DPP6: variants seen among roughly 807,000 people sequenced by gnomAD.
DPP6 encodes A-type potassium channel modulatory protein DPP6.
A neutral mutation model predicts 122.6 loss-of-function variants in DPP6; 69 were observed. That is an observed-to-expected ratio of 0.56 (90% CI 0.46 to 0.69). DPP6 has a LOEUF of 0.69. Among genes scored for constraint, DPP6 ranks in the 30% least tolerant of loss-of-function variants. DPP6 has a pLI of 0.00. For missense variants in DPP6, 928 were observed against 1,116.9 expected (o/e 0.83, Z 2.41); for synonymous variants, 418 against 433.1 (o/e 0.97, Z 0.43).
chr7:154,342,884 T>C (rs1045382952), intron 1 of DPP6, among the ~76,000 whole-genome samples: 1 of 152,188 alleles, frequency 6.6e-6, no homozygotes, highest in Non-Finnish European at 1.5e-5. Flanking sequence ...GCTCTCAAGG[T>C]AAACTGAAAT....
At chr7:153,963,967 A>C (rs945508403) in intron 1 of DPP6, among the ~76,000 whole-genome samples, 1 of 152,042 alleles carries the variant, frequency 6.6e-6, no homozygotes, top group African/African-American at 2.4e-5. Context: ...TGCTTCCTGA[A>C]CTTGTACTGA....
rs763030344 is a variant in DPP6, at chr7:154,816,547, A to G, written c.1666+9435A>G. On this transcript the variant is annotated intron_variant, in intron 16 of 25. Transcript: ENST00000377770. ...GAGGCTGTTTTGAAGATTAACCTAG[A>G]TAGTGCATGTAGAGTACTTACCATG... Among the ~76,000 whole-genome samples the G allele has an allele frequency of 3.0e-4, 45 of 152,332 alleles. 1 individual carries two copies. The Middle Eastern group carries it at 0.014, about 46-fold the overall frequency.
In DPP6 at chr7:154,568,159, T is replaced by A. The variant is rs144424966; in HGVS notation, c.627+1243T>A. Among the ~76,000 whole-genome samples, 764 of 152,360 alleles carry A rather than the reference T, an allele frequency of 5.0e-3. 5 individuals are homozygous for A. The highest frequency in any genetic ancestry group is 0.024 in the Middle Eastern group (7 of 294). On this transcript the variant is annotated intron_variant, in intron 5 of 25. Transcript: ENST00000377770. The stretch of plus-strand genomic sequence containing the variant: ...CTAGACACAGCCTTAAACTTGCCTC[T>A]TTCAGCCTCAGGCACCTGGATGTGA...
the DPP6 span, among the ~76,000 whole-genome samples, chr7:153,842,300 T>C: frequency 1.3e-5 from 2 of 152,230 alleles, no homozygotes; most frequent in Admixed American, 6.5e-5. Context: ...TATATATTGT[T>C]TAGTTGTATT....
At chr7:154,827,789 C>T (rs890734611) in intron 16 of DPP6, among the ~76,000 whole-genome samples, 2 of 119,622 alleles carry the variant, frequency 1.7e-5, no homozygotes, top group African/African-American at 3.3e-5. Flanking sequence ...AAAGGATGTC[C>T]TGTGGGGGGG....
the DPP6 span, among the ~76,000 whole-genome samples, chr7:153,881,446 T>C: frequency 2.6e-5 from 4 of 152,236 alleles, no homozygotes; most frequent in Admixed American, 2.0e-4. Flanking sequence ...TAGTTTTGCA[T>C]GGATGATCTA....
chr7:153,773,529 G>C, the DPP6 span, among the ~76,000 whole-genome samples: 1 of 151,196 alleles, frequency 6.6e-6, no homozygotes, highest in Non-Finnish European at 1.5e-5. Context: ...CAAATTGCTA[G>C]GGATTTAAAT....
chr7:154,317,170 A>T (rs1193913980), intron 1 of DPP6, among the ~76,000 whole-genome samples: 2 of 152,170 alleles, frequency 1.3e-5, no homozygotes, highest in Non-Finnish European at 2.9e-5. Context: ...TGAATAAAGT[A>T]GTTTACTTTT....
At chr7:153,797,917 C>G in the DPP6 span, among the ~76,000 whole-genome samples, 1 of 152,130 alleles carries the variant, frequency 6.6e-6, no homozygotes, top group Admixed American at 6.5e-5. Context: ...TCTTGGCTCA[C>G]TATAAGCTCC....
At chr7:154,582,549 C>T (rs1832143387) in intron 5 of DPP6, among the ~76,000 whole-genome samples, 2 of 152,162 alleles carry the variant, frequency 1.3e-5, no homozygotes, top group South Asian at 2.1e-4. Flanking sequence ...TCCTCCTCCT[C>T]CTGTTTCCTA....
intron 1 of DPP6, among the ~76,000 whole-genome samples, chr7:154,232,606 G>A (rs1316755846): frequency 2.0e-5 from 3 of 152,190 alleles, no homozygotes; most frequent in Non-Finnish European, 2.9e-5. Context: ...AGAAAGGGTG[G>A]ACACTGGGCA....
At chr7:154,622,391 T>C (rs1834749028) in intron 5 of DPP6, among the ~76,000 whole-genome samples, 2 of 152,240 alleles carry the variant, frequency 1.3e-5, no homozygotes, top group African/African-American at 4.8e-5. Context: ...TGCTTGCTCC[T>C]GTTTACCTGT....
At chr7:154,469,648 G>A (rs944606513) in intron 2 of DPP6, among the ~76,000 whole-genome samples, 15 of 152,194 alleles carry the variant, frequency 9.9e-5, no homozygotes, top group African/African-American at 3.1e-4. Flanking sequence ...GGTACAGCAT[G>A]ATATAAATTT....
chr7:154,566,836 T>C lies in DPP6; in HGVS notation c.553-6T>C. 1 of 1,534,020 alleles carries C rather than the reference T, an allele frequency of 6.5e-7. No individual in the cohort carries two copies. Among genetic ancestry groups the C allele is most frequent in the Non-Finnish European group, 9.0e-7 (1 of 1,116,444 alleles). On this transcript the variant is annotated splice_region_variant and splice_polypyrimidine_tract_variant and intron_variant, in intron 4 of 25. Transcript: ENST00000377770. The stretch of plus-strand genomic sequence containing the variant: ...TTTAAAATTCTTTGTCTATTTTTTC[T>C]TTTAGGAATCATTAAGAGCCATCAG...
chr7:154,700,125 A>G (rs1350356642), intron 7 of DPP6, among the ~76,000 whole-genome samples: 1 of 148,066 alleles, frequency 6.8e-6, no homozygotes, highest in Non-Finnish European at 1.5e-5. Flanking sequence ...ATGTGAATGT[A>G]AAATAAAATA....
chr7:154,865,410 G>A (rs994939584), intron 17 of DPP6: 2 of 152,220 alleles, frequency 1.3e-5, no homozygotes, highest in East Asian at 1.9e-4. Context: ...TCATGAGATC[G>A]AGGCACTGGT....
At chr7:153,764,837 G>A in the DPP6 span, among the ~76,000 whole-genome samples, 2 of 151,950 alleles carry the variant, frequency 1.3e-5, no homozygotes, top group African/African-American at 4.8e-5. Flanking sequence ...AACCGACACA[G>A]CTTGCTTCCA....
rs537196686 is a variant in DPP6 at position 154,442,325 on chromosome 7, A to C, written c.244-3889A>C. Among the ~76,000 whole-genome samples, 4 of 152,306 alleles carry C rather than the reference A, an allele frequency of 2.6e-5. No individual in the cohort carries two copies. In the East Asian group the frequency reaches 7.7e-4, roughly 29 times the overall value. ...CTAAGATAATATATATTAAAGAGAT[A>C]AATTAATAGTGGAACAGTGTTACAG... On this transcript the variant is annotated intron_variant, in intron 1 of 25. Transcript: ENST00000377770.
At chr7:153,766,769 T>C in the DPP6 span, among the ~76,000 whole-genome samples, 1 of 152,194 alleles carries the variant, frequency 6.6e-6, no homozygotes, top group African/African-American at 2.4e-5. Context: ...AAAAAAGAGC[T>C]ACAATCTGTA....
Sources: gnomAD v4.1 joint callset for allele counts (sites outside exome capture counted in the v4.1 genomes callset) on GRCh38, gnomAD v4.1.1 for gene constraint, MANE v1.5 for transcripts, NCBI Gene and HGNC (gene_info 2026-07-23, HGNC 2026-07-21) for gene names.